FANCI: variants seen among roughly 807,000 people sequenced by gnomAD.
The protein encoded by FANCI is FA complementation group I, also known as Fanconi anemia group I protein.
A neutral mutation model predicts 176.1 loss-of-function variants in FANCI; 156 were observed. That is an observed-to-expected ratio of 0.89 (90% CI 0.78 to 1.01). The LOEUF (loss-of-function observed/expected upper bound fraction) is 1.01. Ranked by LOEUF, FANCI falls within the 50% of genes least tolerant of loss-of-function variation. The probability of loss-of-function intolerance (pLI) is 0.00; values close to 1 mark genes in which losing one functional copy is unlikely to be tolerated. For missense variants in FANCI, 1,678 were observed against 1,534.1 expected, an observed-to-expected ratio of 1.09 and a Z score of -1.57; for synonymous variants, 613 against 541.7, an observed-to-expected ratio of 1.13 and a Z score of -1.83.
intron 3 of FANCI, 56 bp from the exon 4 acceptor site, chr15:89,260,657 A>G (rs545885624): frequency 1.4e-5 from 22 of 1,605,972 alleles, no homozygotes; most frequent in Admixed American, 6.7e-5. Flanking sequence ...CGTTTTTCCT[A>G]TTTACCTGTC....
At chr15:89,297,516 C>T (rs1159132907) in intron 24 of FANCI, among the ~76,000 whole-genome samples, 3 of 152,082 alleles carry the variant, frequency 2.0e-5, no homozygotes, top group South Asian at 4.2e-4. Flanking sequence ...CCCGGCACCT[C>T]GGGAGGCCGA....
At chr15:89,313,092 GAATA>G in intron 35 of FANCI, 120 bp downstream of exon 35, 1 of 997,932 alleles carries the variant, frequency 1.0e-6, no homozygotes. Context: ...GAAGTGCCCA[GAATA>G]AATCATCTAA....
chr15:89,317,054 ATT>A lies in FANCI; in HGVS notation c.*597_*598del. The A allele has an allele frequency of 1.7e-6, 1 of 593,128 alleles. No individual in the cohort carries two copies. The allele number at this position is 593,128 out of a possible 1,614,324, so 36.7% of individuals were successfully genotyped here. A position where few individuals can be genotyped will look rare whatever the true frequency, so the allele number is the denominator to read the frequency against. The stretch of plus-strand genomic sequence containing the variant: ...AAGCTTTCTGATTTACTTGTTTGGT[ATT>A]TAAAGCACAGTTTGTTTTTCTGTCA... On this transcript the variant is annotated 3_prime_UTR_variant, in exon 38 of 38. Coordinates refer to ENST00000310775, the MANE Select transcript of FANCI (RefSeq NM_001113378.2).
Position 89,246,575 on chromosome 15 carries a change from C to T in FANCI, c.-19-1054C>T, listed in dbSNP as rs28538639. Reference sequence around the variant, plus strand: ...TCCCCCAAAGAAATTTCTCATTTCCCGTATGAATGCCTTTGTTCATGATAC... The same window carrying T: ...TCCCCCAAAGAAATTTCTCATTTCCTGTATGAATGCCTTTGTTCATGATAC... On this transcript the variant is annotated intron_variant, in intron 1 of 37. Transcript: ENST00000310775. Among the ~76,000 whole-genome samples, 696 of 152,112 alleles carry T rather than the reference C, an allele frequency of 4.6e-3. 4 individuals are homozygous for T. The highest frequency in any genetic ancestry group is 0.016 in the African/African-American group (661 of 41,498).
At position 89,263,688 on chromosome 15, in the gene FANCI, T is replaced by A. The variant is rs529978463; in HGVS notation, c.546-215T>A. On this transcript the variant is annotated intron_variant, in intron 7 of 37. Transcript: ENST00000310775. ...TTTTTTTTATAAGAATGACTTTGCT[T>A]AGGTAAGGTTATTGGTTCCCTTAAA... Among the ~76,000 whole-genome samples the A allele has an allele frequency of 2.1e-4, 32 of 152,330 alleles. No homozygotes were observed. The South Asian group carries it at 6.4e-3, about 31-fold the overall frequency.
intron 25 of FANCI, 39 bp downstream of exon 25, chr15:89,300,005 T>G (rs767219090): frequency 1.9e-6 from 3 of 1,608,796 alleles, no homozygotes; most frequent in African/African-American, 1.3e-5. Context: ...TTGATTTAGG[T>G]TTCTCCTTAG....
In FANCI at chr15:89,268,669, T is replaced by C; in HGVS notation, c.882+144T>C. 4 of 993,452 alleles carry C rather than the reference T, an allele frequency of 4.0e-6. No individual in the cohort carries two copies. The South Asian group carries it at 5.9e-5, about 15-fold the overall frequency. The allele number at this position is 993,452 out of a possible 1,614,324, so 61.5% of individuals were successfully genotyped here. The stretch of plus-strand genomic sequence containing the variant: ...AGGATCTCTTTTTTTTTTTTTACTT[T>C]AAAAGTGGAAAATACATGATGTTAC... On this transcript the variant is annotated intron_variant, in intron 10 of 37. Coordinates refer to ENST00000310775, the MANE Select transcript of FANCI (RefSeq NM_001113378.2).
At position 89,247,626 on chromosome 15, in the gene FANCI, T is replaced by C; in HGVS notation, c.-19-3T>C. On this transcript the variant is annotated splice_region_variant and splice_polypyrimidine_tract_variant and intron_variant, in intron 1 of 37. Coordinates refer to ENST00000310775, the MANE Select transcript of FANCI (RefSeq NM_001113378.2). ...ACCCACCTCTGACGTTTTTCCCTTGTAGTTCTGTGATATGAGCAACAATGG... is the reference window on the plus strand; with the variant it reads ...ACCCACCTCTGACGTTTTTCCCTTGCAGTTCTGTGATATGAGCAACAATGG... The C allele has an allele frequency of 6.2e-7, 1 of 1,607,670 alleles. No individual in the cohort carries two copies. Among genetic ancestry groups the C allele is most frequent in the Non-Finnish European group, 8.5e-7 (1 of 1,174,226 alleles).
intron 10 of FANCI, among the ~76,000 whole-genome samples, chr15:89,273,068 G>A (rs2053259492): frequency 6.6e-6 from 1 of 152,080 alleles, no homozygotes; most frequent in East Asian, 1.9e-4. Context: ...GAGAGACCAA[G>A]GTGGGAGGAT....
At chr15:89,292,488 T>A (rs1446298602) in intron 20 of FANCI, among the ~76,000 whole-genome samples, 200 bp from the exon 21 acceptor site, 3 of 152,186 alleles carry the variant, frequency 2.0e-5, no homozygotes, top group Non-Finnish European at 4.4e-5. Context: ...TTAGGCCAAT[T>A]TTCGGGGGGA....
intron 10 of FANCI, among the ~76,000 whole-genome samples, chr15:89,269,033 G>A (rs2053093875): frequency 6.6e-6 from 1 of 152,152 alleles, no homozygotes; most frequent in Non-Finnish European, 1.5e-5. Flanking sequence ...ATTAAAAGTA[G>A]TGTACAGATA....
intron 24 of FANCI, among the ~76,000 whole-genome samples, chr15:89,297,303 ACCT>A (rs1279328233): frequency 6.0e-5 from 8 of 133,382 alleles, no homozygotes; most frequent in Admixed American, 2.2e-4. Flanking sequence ...GGCGCTCCTC[ACCT>A]CCTAGATGGG....
intron 18 of FANCI, among the ~76,000 whole-genome samples, chr15:89,287,815 G>A (rs2053880088): frequency 1.3e-5 from 2 of 151,208 alleles, no homozygotes; most frequent in South Asian, 4.1e-4. Context: ...CCCAGTCAGT[G>A]GAACCAGTCA....
Position 89,293,875 on chromosome 15 carries a change from C to CA in FANCI, c.2340dup (p.Leu781ThrfsTer3). On this transcript the variant is annotated frameshift_variant, in exon 23 of 38. Coordinates refer to ENST00000310775, the MANE Select transcript of FANCI (RefSeq NM_001113378.2). LOFTEE classifies it high-confidence loss of function. ...ACATTCTGAGCTTATTTATGTGTTA[C>CA]AAAAAACTCTCTGACATTCTTAATG... The CA allele has an allele frequency of 1.2e-6, 2 of 1,614,026 alleles. No homozygotes were observed. Among genetic ancestry groups the CA allele is most frequent in the Non-Finnish European group, 1.7e-6 (2 of 1,179,970 alleles).
At chr15:89,254,722 G>A (rs1419254894) in intron 2 of FANCI, among the ~76,000 whole-genome samples, 1 of 152,152 alleles carries the variant, frequency 6.6e-6, no homozygotes, top group Admixed American at 6.5e-5. Flanking sequence ...TGAGGCAGGA[G>A]AATTGCTTGA....
At chr15:89,284,362 G>C (rs1159598805) in intron 17 of FANCI, among the ~76,000 whole-genome samples, 1 of 152,108 alleles carries the variant, frequency 6.6e-6, no homozygotes, top group Non-Finnish European at 1.5e-5. Flanking sequence ...AGTTTGACTA[G>C]GAATCCTCAC....
In FANCI at chr15:89,286,977, C is replaced by CTTTTTTTTTTTTTTTTTTTTTTTTT. The variant is rs543431700; in HGVS notation, c.1821+1780_1821+1781insTTTTTTTTTTTTTTTTTTTTTTTTT. Among the ~76,000 whole-genome samples the CTTTTTTTTTTTTTTTTTTTTTTTTT allele has an allele frequency of 2.2e-4, 19 of 86,042 alleles. 4 individuals are homozygous for CTTTTTTTTTTTTTTTTTTTTTTTTT. Among genetic ancestry groups the CTTTTTTTTTTTTTTTTTTTTTTTTT allele is most frequent in the African/African-American group, 8.0e-4 (17 of 21,180 alleles). The allele number at this position is 86,042 out of a possible 152,430, so 56.4% of individuals were successfully genotyped here. A position where few individuals can be genotyped will look rare whatever the true frequency, so the allele number is the denominator to read the frequency against. ...TCAGCATTTGCTGCTTCACCTTGCACTTTTTTTTTTTTTTTTTTTTTGAGT... is the reference window on the plus strand; with the variant it reads ...TCAGCATTTGCTGCTTCACCTTGCACTTTTTTTTTTTTTTTTTTTTTTTTTTTTTTTTTTTTTTTTTTTTTTGAGT... On this transcript the variant is annotated intron_variant, in intron 18 of 37. Coordinates refer to ENST00000310775, the MANE Select transcript of FANCI (RefSeq NM_001113378.2).
At chr15:89,311,290 G>A (rs772269508) in intron 34 of FANCI, among the ~76,000 whole-genome samples, 8 of 151,760 alleles carry the variant, frequency 5.3e-5, no homozygotes, top group Admixed American at 3.3e-4. Flanking sequence ...ATGGTAGTGC[G>A]TGCCTGTAAT....
chr15:89,262,513 A>G (rs534941051), intron 6 of FANCI, among the ~76,000 whole-genome samples: 1 of 152,310 alleles, frequency 6.6e-6, no homozygotes, highest in South Asian at 2.1e-4. Flanking sequence ...AATTCTAACC[A>G]TATAATTAAC....
Sources: allele counts gnomAD v4.1 joint callset (sites outside exome capture counted in the v4.1 genomes callset), GRCh38; gene constraint gnomAD v4.1.1; transcripts MANE v1.5; gene names NCBI Gene and HGNC (gene_info 2026-07-23, HGNC 2026-07-21).